Variants in SSBP2 observed in about 807,000 individuals in gnomAD.
The protein encoded by SSBP2 is single-stranded DNA-binding protein 2.
SSBP2 carries 17 observed loss-of-function variants against 61.8 expected under a neutral mutation model. That is an observed-to-expected ratio of 0.28 (90% CI 0.19 to 0.41). The LOEUF (loss-of-function observed/expected upper bound fraction) is 0.41, where lower values mean the gene tolerates loss of function less well. SSBP2 is among the 10% of genes least tolerant of loss of function. The pLI, the probability that SSBP2 is intolerant of heterozygous loss-of-function variation, is 1.00. For missense variants in SSBP2, 310 were observed against 458.7 expected, an observed-to-expected ratio of 0.68 and a Z score of 2.96; for synonymous variants, 139 against 141.3, an observed-to-expected ratio of 0.98 and a Z score of 0.12.
intron 4 of SSBP2, among the ~76,000 whole-genome samples, chr5:81,610,908 C>T (rs1275024254): frequency 3.3e-5 from 5 of 152,210 alleles, no homozygotes; most frequent in Middle Eastern, 3.4e-3. Flanking sequence ...GCAGGAGAAT[C>T]GGTTGAACCC....
At chr5:81,532,755 A>AT (rs1179231648) in intron 4 of SSBP2, among the ~76,000 whole-genome samples, 1 of 151,934 alleles carries the variant, frequency 6.6e-6, no homozygotes, top group African/African-American at 2.4e-5. Context: ...TAAATACCAG[A>AT]TAAATTAGAC....
intron 1 of SSBP2, among the ~76,000 whole-genome samples, chr5:81,677,502 C>G (rs551024144): frequency 6.6e-6 from 1 of 152,164 alleles, no homozygotes; most frequent in Admixed American, 6.5e-5. Context: ...GGAGGCTCAG[C>G]GTGGACAAGT....
At chr5:81,667,340 C>T (rs972961725) in intron 1 of SSBP2, among the ~76,000 whole-genome samples, 38 of 149,778 alleles carry the variant, frequency 2.5e-4, no homozygotes, top group Admixed American at 4.7e-4. Flanking sequence ...CACGCTCCAA[C>T]AATCCATATA....
chr5:81,647,646 T>C (rs1046435541), intron 2 of SSBP2, among the ~76,000 whole-genome samples: 12 of 152,082 alleles, frequency 7.9e-5, no homozygotes, highest in African/African-American at 2.4e-4. Context: ...GTGATAATAG[T>C]TCGTTTTCAG....
At chr5:81,555,020 T>C (rs573652102) in intron 4 of SSBP2, among the ~76,000 whole-genome samples, 1 of 152,128 alleles carries the variant, frequency 6.6e-6, no homozygotes, top group Non-Finnish European at 1.5e-5. Flanking sequence ...GTAAAACTAC[T>C]TTAAGTTTCA....
At chr5:81,670,018 G>A (rs1581303082) in intron 1 of SSBP2, among the ~76,000 whole-genome samples, 1 of 152,100 alleles carries the variant, frequency 6.6e-6, no homozygotes, top group African/African-American at 2.4e-5. Context: ...GGGGGTCAGA[G>A]GGATGAAAGC....
intron 4 of SSBP2, among the ~76,000 whole-genome samples, chr5:81,614,359 CAAA>C (rs10659647): frequency 5.4e-4 from 40 of 73,816 alleles, no homozygotes; most frequent in African/African-American, 2.0e-3. Context: ...GACTCCGTCT[CAAA>C]AAAAAAAAAA....
At chr5:81,505,025 C>T (rs1768072358) in intron 5 of SSBP2, among the ~76,000 whole-genome samples, 1 of 152,252 alleles carries the variant, frequency 6.6e-6, no homozygotes, top group Admixed American at 6.5e-5. Context: ...TAGTATTCCA[C>T]AGAACCCCCT....
intron 4 of SSBP2, among the ~76,000 whole-genome samples, chr5:81,573,758 A>G (rs1773997263): frequency 6.6e-6 from 1 of 152,196 alleles, no homozygotes. Context: ...TAATAATACT[A>G]TACATCTGGA....
At chr5:81,597,633 A>G (rs1367692811) in intron 4 of SSBP2, among the ~76,000 whole-genome samples, 1 of 152,188 alleles carries the variant, frequency 6.6e-6, no homozygotes, top group African/African-American at 2.4e-5. Context: ...GATGGACTGG[A>G]TTAAGAAAAT....
intron 16 of SSBP2, among the ~76,000 whole-genome samples, chr5:81,422,136 G>C (rs1209674183): frequency 6.6e-6 from 1 of 152,134 alleles, no homozygotes; most frequent in East Asian, 1.9e-4. Context: ...GGCAGATAAA[G>C]TCAAAGGGAT....
intron 1 of SSBP2, among the ~76,000 whole-genome samples, chr5:81,730,996 T>C (rs935091972): frequency 6.6e-6 from 1 of 152,244 alleles, no homozygotes; most frequent in Admixed American, 6.5e-5. Context: ...GTTAAGTATA[T>C]TCACATTGTT....
intron 5 of SSBP2, among the ~76,000 whole-genome samples, chr5:81,495,930 A>G (rs1453402657): frequency 6.6e-6 from 1 of 152,144 alleles, no homozygotes; most frequent in South Asian, 2.1e-4. Flanking sequence ...AGCATTTTCT[A>G]TATTCTATCT....
At chr5:81,746,073 T>C (rs1757330697) in intron 1 of SSBP2, among the ~76,000 whole-genome samples, 1 of 152,122 alleles carries the variant, frequency 6.6e-6, no homozygotes, top group Non-Finnish European at 1.5e-5. Context: ...ACTTTCAACT[T>C]TTTTCTCTCA....
At chr5:81,466,883 A>G (rs1764926363) in intron 9 of SSBP2, 91 bp downstream of exon 9, 2 of 756,780 alleles carry the variant, frequency 2.6e-6, no homozygotes, top group South Asian at 7.8e-5. Context: ...CAGAAAATAG[A>G]ACACTTTACT....
chr5:81,567,516 G>A (rs1003892848), intron 4 of SSBP2, among the ~76,000 whole-genome samples: 1 of 152,226 alleles, frequency 6.6e-6, no homozygotes, highest in Non-Finnish European at 1.5e-5. Flanking sequence ...CTCTCATGGA[G>A]AACCTCTGCT....
rs368279003 is a variant in SSBP2 at position 81,567,641 on chromosome 5, G to T, written c.282+47832C>A. Among the ~76,000 whole-genome samples the T allele has an allele frequency of 3.2e-4, 49 of 152,288 alleles. No homozygotes were observed. In the East Asian group the frequency reaches 8.1e-3, roughly 25 times the overall value. ...CCATCCTCCAGACCCCAGCATGGTA[G>T]ATCCACCCACAGCTTGCACTGTGCA... On this transcript the variant is annotated intron_variant, in intron 4 of 16. Transcript: ENST00000320672.
At chr5:81,629,266 T>C (rs1747469716) in intron 3 of SSBP2, among the ~76,000 whole-genome samples, 1 of 152,218 alleles carries the variant, frequency 6.6e-6, no homozygotes, top group South Asian at 2.1e-4. Context: ...ATTACAGGCG[T>C]GAGCCACCAC....
At chr5:81,562,303 A>G (rs534573523) in intron 4 of SSBP2, among the ~76,000 whole-genome samples, 6 of 152,330 alleles carry the variant, frequency 3.9e-5, no homozygotes, top group African/African-American at 1.4e-4. Flanking sequence ...ACTTATTTTC[A>G]TTGCCTACCA....
Sources: allele counts gnomAD v4.1 joint callset (sites outside exome capture counted in the v4.1 genomes callset), GRCh38; gene constraint gnomAD v4.1.1; transcripts MANE v1.5; gene names NCBI Gene and HGNC (gene_info 2026-07-23, HGNC 2026-07-21).